The following TMX3 variants were observed in gnomAD, a reference collection of about 807,000 sequenced individuals.
The protein encoded by TMX3 is protein disulfide-isomerase TMX3.
A neutral mutation model predicts 64.4 loss-of-function variants in TMX3; 40 were observed. The observed-to-expected ratio is 0.62, with a 90% confidence interval of 0.48 to 0.81. The LOEUF is 0.81. Among genes scored for constraint, TMX3 ranks in the 30% least tolerant of loss-of-function variants. TMX3 has a pLI of 0.00. For missense variants in TMX3, 497 were observed against 534.5 expected (o/e 0.93, Z 0.69); for synonymous variants, 189 against 175.7 (o/e 1.08, Z -0.60).
At chr18:68,699,287 T>A (rs1264767788) in intron 6 of TMX3, among the ~76,000 whole-genome samples, 3 of 152,100 alleles carry the variant, frequency 2.0e-5, no homozygotes, top group Admixed American at 2.0e-4. Context: ...ATCAGGAGAA[T>A]CCCTTCTTAA....
intron 8 of TMX3, chr18:68,696,888 A>G (rs954865773): frequency 1.0e-5 from 2 of 197,708 alleles, no homozygotes; most frequent in East Asian, 1.5e-4. Context: ...ACACACACAC[A>G]CACACACACA....
intron 4 of TMX3, among the ~76,000 whole-genome samples, chr18:68,704,728 C>A (rs1206691100): frequency 6.6e-6 from 1 of 152,094 alleles, no homozygotes; most frequent in Admixed American, 6.5e-5. Context: ...TGAAGTTTTA[C>A]GATTTTAAAT....
At chr18:68,684,150 A>C (rs755547197) in intron 12 of TMX3, 40 bp downstream of exon 12, 1 of 1,476,076 alleles carries the variant, frequency 6.8e-7, no homozygotes, top group Non-Finnish European at 9.3e-7. Context: ...AAATGGTATT[A>C]AACAAAAATA....
rs182798710 is a variant in TMX3 at position 68,673,874 on chromosome 18, T to C, written c.*3059A>G. 1.3e-5 allele frequency: 2 copies of C among 152,218 alleles called. No homozygotes were observed. The highest frequency in any genetic ancestry group is 6.5e-5 in the Admixed American group (1 of 15,292). The allele number at this position is 152,218 out of a possible 1,614,324, so 9.4% of individuals were successfully genotyped here. A position where few individuals can be genotyped will look rare whatever the true frequency, so the allele number is the denominator to read the frequency against. On this transcript the variant is annotated 3_prime_UTR_variant, in exon 16 of 16. Transcript: ENST00000299608. ...CACATTCAGAAAAAATATATATTTA[T>C]AAAAATAAAATGTCAAGCCTAATCC... is the stretch of plus-strand genomic sequence containing the variant.
Position 68,676,862 on chromosome 18 carries a change from A to C in TMX3, c.*71T>G. On this transcript the variant is annotated 3_prime_UTR_variant, in exon 16 of 16. Coordinates refer to ENST00000299608, the MANE Select transcript of TMX3 (RefSeq NM_019022.5). ...TTCTTTTCTGTAAAGATCATGATTA[A>C]ATGTCTAAATTCAATAAATAGACTC... 1.3e-6 allele frequency: 2 copies of C among 1,525,332 alleles called. No homozygotes were observed. The highest frequency in any genetic ancestry group is 1.8e-6 in the Non-Finnish European group (2 of 1,134,314). The allele number at this position is 1,525,332 out of a possible 1,614,324, so 94.5% of individuals were successfully genotyped here.
At chr18:68,708,045 GTATATA>G (rs59501873) in intron 4 of TMX3, among the ~76,000 whole-genome samples, 2 of 125,978 alleles carry the variant, frequency 1.6e-5, no homozygotes, top group African/African-American at 9.9e-5. Context: ...GTATATATGT[GTATATA>G]TATGTGTATA....
rs552707724 is a variant in TMX3, at chr18:68,677,055, T to C, written c.1243A>G (p.Ser415Gly). 1.9e-6 allele frequency: 3 copies of C among 1,613,776 alleles called. No individual in the cohort carries two copies. The South Asian group carries it at 3.3e-5, about 18-fold the overall frequency. Residue 415 changes from serine (S) to glycine (G), a missense_variant, in exon 16 of 16, where the codon AGT (serine) becomes GGT (glycine). Transcript: ENST00000299608. ...YIEERYEVSK[S>G]ENENQEQIEE... is the part of the protein sequence containing the mutation. ...ATCTGTTCTTGGTTTTCATTTTCAC[T>C]TTTAGACACTTCATATCGTTCTTCT...
At chr18:68,714,887 G>T in intron 1 of TMX3, 49 bp downstream of exon 1, 1 of 1,547,438 alleles carries the variant, frequency 6.5e-7, no homozygotes, top group African/African-American at 1.4e-5. Flanking sequence ...CCACGGCGGG[G>T]CCAGGTCCCA....
chr18:68,708,786 T>C (rs1259939559), intron 4 of TMX3, among the ~76,000 whole-genome samples: 1 of 152,152 alleles, frequency 6.6e-6, no homozygotes, highest in African/African-American at 2.4e-5. Flanking sequence ...TGTGGCATTA[T>C]CCTTTAGTGT....
chr18:68,679,641 T>C, intron 14 of TMX3, 110 bp from the exon 15 acceptor site: 1 of 836,950 alleles, frequency 1.2e-6, no homozygotes, highest in South Asian at 1.8e-5. Context: ...AAATATTACA[T>C]AATCACCTGA....
chr18:68,713,351 A>G (rs542731610), intron 2 of TMX3, among the ~76,000 whole-genome samples: 29 of 151,756 alleles, frequency 1.9e-4, no homozygotes, highest in Middle Eastern at 6.8e-3. Context: ...CTTGACTACC[A>G]CTCCCTCCAG....
chr18:68,714,824 G>T, intron 1 of TMX3, 112 bp downstream of exon 1: 1 of 1,386,566 alleles, frequency 7.2e-7, no homozygotes, highest in Admixed American at 2.4e-5. Flanking sequence ...GAATGGGTGG[G>T]CATCTCCACG....
intron 5 of TMX3, chr18:68,701,125 AT>A: frequency 1.5e-6 from 1 of 675,624 alleles, no homozygotes; most frequent in Non-Finnish European, 1.8e-6. Context: ...CTAAGCAAAC[AT>A]TTTTAAAAAG....
chr18:68,696,145 A>T (rs1915048079), intron 8 of TMX3, among the ~76,000 whole-genome samples: 1 of 152,090 alleles, frequency 6.6e-6, no homozygotes, highest in African/African-American at 2.4e-5. Context: ...CCCAACTATT[A>T]CACAGTTTTT....
Position 68,697,251 on chromosome 18 carries a change from G to A in TMX3, c.545C>T (p.Ser182Phe), listed in dbSNP as rs1915186046. Residue 182 changes from serine (S) to phenylalanine (F), a missense_variant, in exon 8 of 16, where the codon TCT (serine) becomes TTT (phenylalanine). Physicochemically the swap from Ser to Phe is radical, Grantham distance 155. Transcript: ENST00000299608. ...SELIVYTYFFSASEEVVPEYV... is the reference protein window; with the variant it reads ...SELIVYTYFFFASEEVVPEYV... ...CTCAGGAACCACTTCTTCTGAGGCA[G>A]AAAAGAAGTATGTATATACAATCAA... is the stretch of plus-strand genomic sequence containing the variant. 2 of 1,580,924 alleles carry A rather than the reference G, an allele frequency of 1.3e-6. No individual in the cohort carries two copies. The highest frequency in any genetic ancestry group is 1.2e-5 in the South Asian group (1 of 84,304).
At position 68,713,890 on chromosome 18, in the gene TMX3, A is replaced by G; in HGVS notation, c.57T>C (p.Leu19=). 6.3e-7 allele frequency: 1 copy of G among 1,584,634 alleles called. No homozygotes were observed. Among genetic ancestry groups the G allele is most frequent in the Non-Finnish European group, 8.6e-7 (1 of 1,158,016 alleles). The change falls in exon 2 of 16, where the codon CTT becomes CTC. Residue 19 remains leucine (L), a synonymous_variant. Transcript: ENST00000299608. The part of the protein sequence containing the change: ...ALRLCATVVV[L]DMVVCKGFVE... ...CAAATCCTTTACAGACGACCATATC[A>G]AGTACAACAACTGAAAAAAAAAGAC...
At chr18:68,693,526 T>C (rs1914739643) in intron 8 of TMX3, among the ~76,000 whole-genome samples, 1 of 152,040 alleles carries the variant, frequency 6.6e-6, no homozygotes, top group African/African-American at 2.4e-5. Context: ...AGCAAAGTTG[T>C]GGCCGAGCCT....
rs758562369 is a variant in TMX3, at chr18:68,684,195, G to A, written c.843C>T (p.Phe281=). 10 of 1,608,864 alleles carry A rather than the reference G, an allele frequency of 6.2e-6. No individual in the cohort carries two copies. The East Asian group carries it at 2.0e-4, about 32-fold the overall frequency. ...CTCAGAATATAAGCACCTACCTATG[G>A]AAGAGGTCTCTGTAATCTCTTGCAA... is the stretch of plus-strand genomic sequence containing the variant. ...QEVARDYRDL[F]HRDFQFGHMD... is the part of the protein sequence containing the mutation. Residue 281 remains phenylalanine (F), a synonymous_variant, in exon 12 of 16, where the codon TTC becomes TTT. Transcript: ENST00000299608.
intron 1 of TMX3, 80 bp downstream of exon 1, chr18:68,714,856 G>A: frequency 1.3e-6 from 2 of 1,538,350 alleles, no homozygotes; most frequent in East Asian, 4.9e-5. Context: ...CCTCGCCCCA[G>A]ACCCGGGTCC....
Sources: gnomAD v4.1 joint callset for allele counts (sites outside exome capture counted in the v4.1 genomes callset) on GRCh38, gnomAD v4.1.1 for gene constraint, MANE v1.5 for transcripts, NCBI Gene and HGNC (gene_info 2026-07-23, HGNC 2026-07-21) for gene names.